The following SGIP1 variants were observed in gnomAD, a reference collection of about 807,000 sequenced individuals.
SGIP1 encodes the protein SH3GL interacting endocytic adaptor 1.
A neutral mutation model predicts 107.5 loss-of-function variants in SGIP1; 38 were observed. That is an observed-to-expected ratio of 0.35 (90% CI 0.27 to 0.46). The LOEUF is 0.46. SGIP1 is among the 20% of genes least tolerant of loss of function. SGIP1 has a pLI of 1.00. For synonymous variants in SGIP1, 365 were observed against 366.1 expected (o/e 1.00, Z 0.03); for missense variants, 929 against 1,019.5 (o/e 0.91, Z 1.21).
intron 1 of SGIP1, among the ~76,000 whole-genome samples, chr1:66,567,954 T>C (rs1393560094): frequency 1.3e-5 from 2 of 152,192 alleles, no homozygotes; most frequent in Admixed American, 6.5e-5. Context: ...TCCAGCTTTG[T>C]TCTTTTTGCT....
intron 1 of SGIP1, among the ~76,000 whole-genome samples, chr1:66,614,442 T>C (rs1174250441): frequency 3.3e-5 from 5 of 152,230 alleles, no homozygotes; most frequent in African/African-American, 1.2e-4. Context: ...ATTATTATTA[T>C]AAATCTTGCA....
At chr1:66,728,221 T>A (rs2150558200) in intron 19 of SGIP1, among the ~76,000 whole-genome samples, 1 of 152,328 alleles carries the variant, frequency 6.6e-6, no homozygotes, top group South Asian at 2.1e-4. Flanking sequence ...GCATTACTCA[T>A]GTTACTCGAA....
At chr1:66,687,622 A>T (rs572010577) in intron 15 of SGIP1, among the ~76,000 whole-genome samples, 1 of 152,362 alleles carries the variant, frequency 6.6e-6, no homozygotes, top group South Asian at 2.1e-4. Flanking sequence ...CTTTGGAGGT[A>T]CATACACAGT....
chr1:66,611,470 A>T (rs1471576640), intron 1 of SGIP1, among the ~76,000 whole-genome samples: 1 of 152,222 alleles, frequency 6.6e-6, no homozygotes, highest in Non-Finnish European at 1.5e-5. Flanking sequence ...ACAGCCAGGG[A>T]CTTTGTTTCC....
intron 9 of SGIP1, among the ~76,000 whole-genome samples, chr1:66,669,022 A>C (rs903597273): frequency 6.6e-6 from 1 of 152,240 alleles, no homozygotes; most frequent in Non-Finnish European, 1.5e-5. Flanking sequence ...CCCATCCAGC[A>C]GATAGCAGGA....
intron 7 of SGIP1, among the ~76,000 whole-genome samples, chr1:66,657,960 G>A (rs2080121384): frequency 6.6e-6 from 1 of 151,894 alleles, no homozygotes; most frequent in South Asian, 2.1e-4. Flanking sequence ...TCAACATTCT[G>A]AAGAAACCTT....
At chr1:66,691,263 C>T (rs1201802982) in intron 17 of SGIP1, among the ~76,000 whole-genome samples, 2 of 152,186 alleles carry the variant, frequency 1.3e-5, no homozygotes, top group Non-Finnish European at 2.9e-5. Flanking sequence ...CTGCTACTCT[C>T]GGAAGAGCAG....
intron 18 of SGIP1, among the ~76,000 whole-genome samples, chr1:66,708,184 A>C (rs1233671004): frequency 1.3e-5 from 2 of 152,166 alleles, no homozygotes; most frequent in Non-Finnish European, 2.9e-5. Context: ...AAGTTATTTA[A>C]TTTCACTAAG....
At chr1:66,571,233 A>G (rs1271198239) in intron 1 of SGIP1, among the ~76,000 whole-genome samples, 1 of 152,042 alleles carries the variant, frequency 6.6e-6, no homozygotes, top group African/African-American at 2.4e-5. Context: ...AAAAGGTCCT[A>G]GGACATTACA....
intron 1 of SGIP1, among the ~76,000 whole-genome samples, chr1:66,559,016 G>A (rs1387589288): frequency 2.0e-5 from 3 of 151,844 alleles, no homozygotes; most frequent in African/African-American, 4.9e-5. Flanking sequence ...ATGAGGGAAA[G>A]GAGAAGGATG....
chr1:66,608,117 T>G (rs186676965), intron 1 of SGIP1, among the ~76,000 whole-genome samples: 2 of 152,346 alleles, frequency 1.3e-5, no homozygotes, highest in African/African-American at 4.8e-5. Flanking sequence ...GGCTCATCAC[T>G]ATCTATCCAT....
intron 1 of SGIP1, chr1:66,590,620 C>T (rs993499164): frequency 6.6e-6 from 1 of 152,086 alleles, no homozygotes; most frequent in South Asian, 2.1e-4. Flanking sequence ...AATGAATAAA[C>T]CCCGATACAT....
chr1:66,692,214 T>C (rs1045532324), intron 17 of SGIP1, among the ~76,000 whole-genome samples: 4 of 151,226 alleles, frequency 2.6e-5, no homozygotes, highest in Non-Finnish European at 2.9e-5. Context: ...GTTTGTACAA[T>C]GTGTTTTTAT....
intron 17 of SGIP1, among the ~76,000 whole-genome samples, chr1:66,691,699 C>G (rs1168722427): frequency 6.6e-6 from 1 of 152,144 alleles, no homozygotes; most frequent in African/African-American, 2.4e-5. Flanking sequence ...CACTGCCACT[C>G]TTTTTCTAGA....
chr1:66,622,845 T>C (rs12116888), intron 1 of SGIP1, among the ~76,000 whole-genome samples: 22,551 of 152,192 alleles, frequency 0.15, 2,193 homozygotes, highest in East Asian at 0.46. Flanking sequence ...CTCCCATTTT[T>C]GGTAAAAAAT....
chr1:66,603,412 AT>A (rs934611594), intron 1 of SGIP1, among the ~76,000 whole-genome samples: 2 of 152,186 alleles, frequency 1.3e-5, no homozygotes, highest in African/African-American at 4.8e-5. Context: ...TTAAATTTTC[AT>A]TTTAAAAATG....
intron 1 of SGIP1, among the ~76,000 whole-genome samples, chr1:66,579,734 A>C (rs1312362764): frequency 6.6e-6 from 1 of 152,150 alleles, no homozygotes. Flanking sequence ...CTAACTTTAT[A>C]ATACCTAATG....
intron 1 of SGIP1, among the ~76,000 whole-genome samples, chr1:66,608,938 G>A (rs1453389750): frequency 2.8e-5 from 4 of 144,208 alleles, no homozygotes; most frequent in African/African-American, 1.1e-4. Flanking sequence ...TTTAGTCGAG[G>A]TTTTTTTTCT....
intron 1 of SGIP1, among the ~76,000 whole-genome samples, chr1:66,540,948 C>T (rs185806828): frequency 6.6e-6 from 1 of 152,360 alleles, no homozygotes; most frequent in East Asian, 1.9e-4. Flanking sequence ...TTCCTCACAT[C>T]TACTCCCTCC....
Sources: gnomAD v4.1 joint callset for allele counts (sites outside exome capture counted in the v4.1 genomes callset) on GRCh38, gnomAD v4.1.1 for gene constraint, MANE v1.5 for transcripts, NCBI Gene and HGNC (gene_info 2026-07-23, HGNC 2026-07-21) for gene names.